LRRC56: variants seen among roughly 807,000 people sequenced by gnomAD.
LRRC56 encodes the protein leucine-rich repeat-containing protein 56.
In LRRC56, 41 loss-of-function variants were observed where a neutral mutation model predicts 47.8. That is an observed-to-expected ratio of 0.86 (90% CI 0.67 to 1.11). The LOEUF is 1.11. LRRC56 is among the 50% of genes most tolerant of loss of function. The probability of loss-of-function intolerance (pLI) is 0.00; values close to 1 mark genes in which losing one functional copy is unlikely to be tolerated. For synonymous variants in LRRC56, 387 were observed against 311.2 expected (o/e 1.24, Z -2.56); for missense variants, 759 against 704.2 (o/e 1.08, Z -0.88).
chr11:507,581 G>C, the LRRC56 span, among the ~76,000 whole-genome samples: 2 of 152,186 alleles, frequency 1.3e-5, no homozygotes, highest in African/African-American at 2.4e-5. Flanking sequence ...GGCCCGGTGC[G>C]GCAGCGCCTT....
At chr11:536,322 C>T (rs1276623652), upstream of LRRC56, among the ~76,000 whole-genome samples, 3 of 152,258 alleles carry the variant, frequency 2.0e-5, no homozygotes, top group Non-Finnish European at 4.4e-5. Flanking sequence ...CAGCGTGGTC[C>T]AGTTAAACCG....
intron 3 of LRRC56, among the ~76,000 whole-genome samples, chr11:540,064 AC>A (rs1851719530): frequency 1.3e-5 from 2 of 152,168 alleles, no homozygotes; most frequent in South Asian, 4.1e-4. Flanking sequence ...GGGCACAGTA[AC>A]CTGGCCAGGA....
In LRRC56 at chr11:549,923, C is replaced by T; in HGVS notation, c.348C>T (p.Gly116=). Residue 116 remains glycine, a synonymous_variant, in exon 7 of 14, where the codon GGC becomes GGT. Transcript: ENST00000270115. ...GCAGGGACTTGGGCACGTCTCTGGG[C>T]CACCTGCAGGTGCTGTGGCTGGCTC... ...GSLRDLGTSL[G]HLQVLWLARC... The T allele has an allele frequency of 6.2e-7, 1 of 1,612,898 alleles. No homozygotes were observed. The highest frequency in any genetic ancestry group is 8.5e-7 in the Non-Finnish European group (1 of 1,179,842).
rs1470245057 is a variant in LRRC56 at position 540,671 on chromosome 11, C to T, written c.-11-3C>T. 6 of 1,610,750 alleles carry T rather than the reference C, an allele frequency of 3.7e-6. No homozygotes were observed. Among genetic ancestry groups the T allele is most frequent in the Non-Finnish European group, 5.1e-6 (6 of 1,178,966 alleles). Reference sequence around the variant, plus strand: ...GAGCTTTGCACTGTGCCTCTGTCAGCAGGTGACATGTGAATGGATCTGGGC... The same window carrying T: ...GAGCTTTGCACTGTGCCTCTGTCAGTAGGTGACATGTGAATGGATCTGGGC... On this transcript the variant is annotated splice_polypyrimidine_tract_variant and splice_region_variant and intron_variant, in intron 3 of 13. Transcript: ENST00000270115.
rs943732113 is a variant in LRRC56, at chr11:541,648, T to G, written c.265+24T>G. 6 of 1,474,204 alleles carry G rather than the reference T, an allele frequency of 4.1e-6. No individual in the cohort carries two copies. The African/African-American group carries it at 8.5e-5, about 21-fold the overall frequency. 91.3% of individuals were successfully genotyped at this position (1,474,204 alleles called of 1,614,324 possible). A position where few individuals can be genotyped will look rare whatever the true frequency, so the allele number is the denominator to read the frequency against. ...TGGTGAGCCTCTTCCCACCCCGCCA[T>G]GGCCACGGCCACGGCCACGCCTCCC... On this transcript the variant is annotated intron_variant, in intron 5 of 13. Coordinates refer to ENST00000270115, the MANE Select transcript of LRRC56 (RefSeq NM_198075.4). This position sits in a 1 kb window ranked among gnomAD's most constrained non-coding sequence, Gnocchi z 4.1.
the LRRC56 span, among the ~76,000 whole-genome samples, chr11:527,044 G>A: frequency 7.2e-5 from 11 of 152,208 alleles, no homozygotes; most frequent in African/African-American, 2.7e-4. Context: ...GCTCACGCCT[G>A]TAATCCCAGC....
rs182438929 is a variant in LRRC56, at chr11:552,358, G to A, written c.1181+126G>A. 3.9e-4 allele frequency: 538 copies of A among 1,378,678 alleles called. 3 individuals carry two copies. In the African/African-American group the frequency reaches 6.8e-3, roughly 17 times the overall value. The allele number at this position is 1,378,678 out of a possible 1,614,324, so 85.4% of individuals were successfully genotyped here. On this transcript the variant is annotated intron_variant, in intron 12 of 13. Coordinates refer to ENST00000270115, the MANE Select transcript of LRRC56 (RefSeq NM_198075.4). Reference sequence around the variant, plus strand: ...GGACCATCCCTGCATGTCCTGTCCCGTGGGGGGATCAGGGCTGGGGCTACC... The same window carrying A: ...GGACCATCCCTGCATGTCCTGTCCCATGGGGGGATCAGGGCTGGGGCTACC...
upstream of LRRC56, chr11:532,768 G>A (rs761468352): frequency 5.6e-6 from 9 of 1,611,808 alleles, no homozygotes; most frequent in Admixed American, 1.7e-5. Context: ...GGGAAAGGAG[G>A]GATGGGATCA....
intron 9 of LRRC56, among the ~76,000 whole-genome samples, 162 bp downstream of exon 9, chr11:551,464 ACT>A (rs1564806833): frequency 6.6e-6 from 1 of 152,142 alleles, no homozygotes; most frequent in South Asian, 2.1e-4. Flanking sequence ...AGGCCAGGAC[ACT>A]GTCTCTGAGC....
At chr11:515,038 C>T in the LRRC56 span, among the ~76,000 whole-genome samples, 4 of 152,200 alleles carry the variant, frequency 2.6e-5, no homozygotes, top group East Asian at 7.7e-4. Flanking sequence ...CTTGAAAGGG[C>T]CACCAGTAAA....
chr11:535,128 G>A (rs1310249643), upstream of LRRC56: 8 of 152,084 alleles, frequency 5.3e-5, no homozygotes, highest in African/African-American at 1.4e-4. Flanking sequence ...GAGGGCGCCG[G>A]GCCCGAGGCT....
At chr11:526,868 C>T in the LRRC56 span, among the ~76,000 whole-genome samples, 1 of 151,760 alleles carries the variant, frequency 6.6e-6, no homozygotes, top group Non-Finnish European at 1.5e-5. Context: ...ACCTGGGAGG[C>T]GGAGGTTGCA....
the LRRC56 span, among the ~76,000 whole-genome samples, chr11:516,126 G>T: frequency 1.3e-5 from 2 of 152,168 alleles, no homozygotes; most frequent in East Asian, 1.9e-4. Context: ...AGGTGCAAAG[G>T]TTCACGCCTG....
At chr11:510,065 C>T in the LRRC56 span, among the ~76,000 whole-genome samples, 1 of 152,040 alleles carries the variant, frequency 6.6e-6, no homozygotes, top group Admixed American at 6.6e-5. Context: ...GGATGCTGCC[C>T]TTTCCTTCTC....
chr11:551,415 C>A (rs1360909787), intron 9 of LRRC56, 113 bp downstream of exon 9: 2 of 823,790 alleles, frequency 2.4e-6, no homozygotes, highest in Non-Finnish European at 3.8e-6. Flanking sequence ...GCTTCTCCAG[C>A]CTTGACCCCG....
the LRRC56 span, among the ~76,000 whole-genome samples, chr11:526,934 C>G: frequency 4.1e-4 from 62 of 151,372 alleles, no homozygotes; most frequent in Middle Eastern, 3.4e-3. Flanking sequence ...GAGACACCGT[C>G]TAAAAAAAGA....
chr11:507,608 G>T, the LRRC56 span, among the ~76,000 whole-genome samples: 1 of 152,206 alleles, frequency 6.6e-6, no homozygotes. Context: ...GGAATCGCAG[G>T]CGCGGGTCGG....
intron 1 of LRRC56, 121 bp downstream of exon 1, chr11:537,726 A>T (rs1407873506): frequency 1.3e-5 from 2 of 152,310 alleles, no homozygotes; most frequent in African/African-American, 4.8e-5. Flanking sequence ...TCGGGGACCC[A>T]GTGATGGCCC....
chr11:552,533 T>A (rs1221757781), intron 12 of LRRC56, 36 bp from the exon 13 acceptor site: 6 of 1,559,570 alleles, frequency 3.8e-6, no homozygotes, highest in Non-Finnish European at 5.2e-6. Context: ...CGTGGGGGGA[T>A]CAGGGCTGGA....
Sources: gnomAD v4.1 joint callset for allele counts (sites outside exome capture counted in the v4.1 genomes callset) on GRCh38, gnomAD v4.1.1 for gene constraint, Gnocchi (gnomAD v3.1) non-coding constraint, MANE v1.5 for transcripts, NCBI Gene and HGNC (gene_info 2026-07-23, HGNC 2026-07-21) for gene names.